Variants in USP47 observed in about 807,000 individuals in gnomAD.
USP47 encodes ubiquitin carboxyl-terminal hydrolase 47.
Under a neutral mutation model 165.1 loss-of-function variants are expected in USP47, and 35 were observed. That is an observed-to-expected ratio of 0.21 (90% CI 0.16 to 0.28). USP47 has a LOEUF of 0.28. Ranked by LOEUF, USP47 falls within the 10% of genes least tolerant of loss-of-function variation. The pLI is 1.00. For missense variants in USP47, 1,277 were observed against 1,607.4 expected (o/e 0.79, Z 3.52); for synonymous variants, 531 against 544.5 (o/e 0.98, Z 0.35).
chr11:11,929,467 G>T lies in USP47; in HGVS notation c.1420G>T (p.Val474Phe). The change falls in exon 12 of 28, where the codon GTT becomes TTT. Residue 474 changes from valine (V) to phenylalanine (F), a missense_variant. This residue lies in a region of USP47 where 909 missense variants were observed against 1,068.1 expected (regional missense o/e 0.85). Transcript: ENST00000527733. ...SLIYELFSVMVHSGSAAGGHY... is the reference protein window; with the variant it reads ...SLIYELFSVMFHSGSAAGGHY... Reference sequence around the variant, plus strand: ...GATCTATGAACTTTTCTCTGTTATGGTTCATTCTGGGAGCGCTGCTGGTGG... The same window carrying T: ...GATCTATGAACTTTTCTCTGTTATGTTTCATTCTGGGAGCGCTGCTGGTGG... The T allele has an allele frequency of 6.2e-7, 1 of 1,612,852 alleles. No homozygotes were observed. Among genetic ancestry groups the T allele is most frequent in the Non-Finnish European group, 8.5e-7 (1 of 1,179,248 alleles).
chr11:11,936,113 T>C (rs1183614802), intron 16 of USP47, among the ~76,000 whole-genome samples, 190 bp from the exon 17 acceptor site: 1 of 151,736 alleles, frequency 6.6e-6, no homozygotes, highest in Non-Finnish European at 1.5e-5. Flanking sequence ...AACATAATTA[T>C]TTAAAAATAA....
In USP47 at chr11:11,942,923, C is replaced by T. The variant is rs767328067; in HGVS notation, c.2902C>T (p.His968Tyr). 1.9e-6 allele frequency: 3 copies of T among 1,613,422 alleles called. No individual in the cohort carries two copies. The highest frequency in any genetic ancestry group is 2.5e-6 in the Non-Finnish European group (3 of 1,179,696). ...QIPLANGLDS[H>Y]SITSSRRTKA... ...CCCTTTGGCTAATGGACTTGACTCT[C>T]ACAGTATCACAAGTAGTAGAAGAAC... The change falls in exon 20 of 28, where the codon CAC (histidine) becomes TAC (tyrosine). Residue 968 changes from histidine to tyrosine, a missense_variant. Transcript: ENST00000527733.
chr11:11,875,866 G>A (rs1850378254), intron 1 of USP47, among the ~76,000 whole-genome samples: 1 of 152,230 alleles, frequency 6.6e-6, no homozygotes, highest in South Asian at 2.1e-4. Flanking sequence ...GCCTGCCAAA[G>A]TGCAGTGATT....
intron 27 of USP47, 111 bp downstream of exon 27, chr11:11,955,275 C>G: frequency 7.6e-7 from 1 of 1,317,368 alleles, no homozygotes. Flanking sequence ...CGGCACTAAC[C>G]GGTAGAAATA....
At position 11,930,677 on chromosome 11, in the gene USP47, T is replaced by C; in HGVS notation, c.1596-19T>C. Reference sequence around the variant, plus strand: ...AATCTACTTTTTGTCCTTATTAATCTTTTTTATGTTTCTACTAGTTCCACA... The same window carrying C: ...AATCTACTTTTTGTCCTTATTAATCCTTTTTATGTTTCTACTAGTTCCACA... On this transcript the variant is annotated intron_variant, in intron 13 of 27. Coordinates refer to ENST00000527733, the MANE Select transcript of USP47 (RefSeq NM_001282659.2). 2.5e-6 allele frequency: 4 copies of C among 1,578,760 alleles called. No individual in the cohort carries two copies. Among genetic ancestry groups the C allele is most frequent in the Non-Finnish European group, 3.4e-6 (4 of 1,161,630 alleles).
chr11:11,921,279 A>G lies in USP47; in HGVS notation c.1218+785A>G, dbSNP rs186390096. Among the ~76,000 whole-genome samples the G allele has an allele frequency of 8.9e-4, 134 of 151,138 alleles. 2 individuals carry two copies. The highest frequency in any genetic ancestry group is 8.2e-3 in the Admixed American group (125 of 15,156). ...TTTTGTTTTACTGGAACTGATTACTATAGTTATAAAAAATGCCTTTTCCCA... is the reference window on the plus strand; with the variant it reads ...TTTTGTTTTACTGGAACTGATTACTGTAGTTATAAAAAATGCCTTTTCCCA... On this transcript the variant is annotated intron_variant, in intron 10 of 27. Transcript: ENST00000527733.
At chr11:11,868,130 T>A (rs936095730) in intron 1 of USP47, among the ~76,000 whole-genome samples, 2 of 151,974 alleles carry the variant, frequency 1.3e-5, no homozygotes, top group Non-Finnish European at 2.9e-5. Flanking sequence ...AAAACAGATA[T>A]CTCATGTACT....
At chr11:11,853,953 C>T (rs899288127) in intron 1 of USP47, among the ~76,000 whole-genome samples, 5 of 151,664 alleles carry the variant, frequency 3.3e-5, no homozygotes, top group South Asian at 4.2e-4. Context: ...AGTGAAACCC[C>T]GTCTCTACTA....
chr11:11,848,088 A>G (rs1220440304), intron 1 of USP47, among the ~76,000 whole-genome samples: 1 of 152,230 alleles, frequency 6.6e-6, no homozygotes, highest in Non-Finnish European at 1.5e-5. Context: ...GTCCTTGATA[A>G]TATGGATTCA....
At chr11:11,948,933 C>T in intron 22 of USP47, 1 of 190,130 alleles carries the variant, frequency 5.3e-6, no homozygotes, top group South Asian at 1.2e-4. Context: ...TGTGCGTGTG[C>T]TTGCTTTCTG....
rs1022942984 is a variant in USP47 at position 11,918,029 on chromosome 11, C to T, written c.970-2127C>T. Among the ~76,000 whole-genome samples, 3 of 152,022 alleles carry T rather than the reference C, an allele frequency of 2.0e-5. No individual in the cohort carries two copies. In the East Asian group the frequency reaches 5.8e-4, roughly 29 times the overall value. ...CTCCTTACAGATTGCTTATTAGCCGCGAGAGTAAAAATAATAACTATATGG... is the reference window on the plus strand; with the variant it reads ...CTCCTTACAGATTGCTTATTAGCCGTGAGAGTAAAAATAATAACTATATGG... On this transcript the variant is annotated intron_variant, in intron 8 of 27. Transcript: ENST00000527733.
At chr11:11,948,169 ATT>A (rs1391448242) in intron 21 of USP47, 49 bp downstream of exon 21, 10 of 1,548,220 alleles carry the variant, frequency 6.5e-6, no homozygotes, top group Non-Finnish European at 8.7e-6. Flanking sequence ...TAAATGATAG[ATT>A]TGAGAACAGC....
At chr11:11,925,419 G>C (rs1169068407) in intron 11 of USP47, among the ~76,000 whole-genome samples, 1 of 151,892 alleles carries the variant, frequency 6.6e-6, no homozygotes, top group African/African-American at 2.4e-5. Flanking sequence ...ATGTTTTATG[G>C]TTTTTCACTG....
At position 11,908,689 on chromosome 11, in the gene USP47, A is replaced by G. The variant is rs780701381; in HGVS notation, c.969+3141A>G. Among the ~76,000 whole-genome samples, 93 of 145,622 alleles carry G rather than the reference A, an allele frequency of 6.4e-4. 1 individual carries two copies. The highest frequency in any genetic ancestry group is 2.0e-4 in the Non-Finnish European group (13 of 66,494). The stretch of plus-strand genomic sequence containing the variant: ...AAAAATAAGCTCCCGTAAAGTAGGG[A>G]GGTCAAAAAAAGCCTTTTATTATAA... On this transcript the variant is annotated intron_variant, in intron 8 of 27. Transcript: ENST00000527733.
intron 20 of USP47, among the ~76,000 whole-genome samples, chr11:11,946,230 AG>A (rs1157021311): frequency 6.6e-6 from 1 of 152,234 alleles, no homozygotes; most frequent in African/African-American, 2.4e-5. Flanking sequence ...TTTATAGTAA[AG>A]GTAATTGAAG....
chr11:11,885,305 T>G (rs1851084583), intron 3 of USP47, among the ~76,000 whole-genome samples: 1 of 150,792 alleles, frequency 6.6e-6, no homozygotes, highest in African/African-American at 2.4e-5. Context: ...AAGGGGAGAG[T>G]GAATACAGCA....
intron 8 of USP47, among the ~76,000 whole-genome samples, chr11:11,919,498 G>T (rs925134388): frequency 2.0e-5 from 3 of 151,770 alleles, no homozygotes; most frequent in African/African-American, 7.2e-5. Flanking sequence ...TTTATATGAA[G>T]TTTCTTACTT....
chr11:11,938,433 T>A, intron 18 of USP47, 61 bp downstream of exon 18: 1 of 1,224,816 alleles, frequency 8.2e-7, no homozygotes, highest in Non-Finnish European at 1.2e-6. Flanking sequence ...CAAGACACAC[T>A]ATGTGACAGT....
At chr11:11,901,984 A>G (rs2134447131) in intron 5 of USP47, among the ~76,000 whole-genome samples, 1 of 151,980 alleles carries the variant, frequency 6.6e-6, no homozygotes, top group South Asian at 2.1e-4. Flanking sequence ...AAAGAGGGAA[A>G]TAGTGTAATG....
Sources: allele counts gnomAD v4.1 joint callset (sites outside exome capture counted in the v4.1 genomes callset), GRCh38; gene constraint gnomAD v4.1.1; regional missense constraint gnomAD v4.1.1; transcripts MANE v1.5; gene names NCBI Gene and HGNC (gene_info 2026-07-23, HGNC 2026-07-21).